Variants in PLD5 observed in about 807,000 individuals in gnomAD.
PLD5 encodes the protein inactive phospholipase D5.
Under a neutral mutation model 61.1 loss-of-function variants are expected in PLD5, and 36 were observed. The observed-to-expected ratio is 0.59, with a 90% CI of 0.45 to 0.78. The LOEUF is 0.78. Among genes scored for constraint, PLD5 ranks in the 30% least tolerant of loss-of-function variants. The pLI, the probability that PLD5 is intolerant of heterozygous loss-of-function variation, is 0.00. For synonymous variants in PLD5, 243 were observed against 242.8 expected (o/e 1.00, Z -0.01); for missense variants, 515 against 644.4 (o/e 0.80, Z 2.17).
intron 8 of PLD5, among the ~76,000 whole-genome samples, chr1:242,101,025 C>T (rs1384482133): frequency 6.6e-6 from 1 of 152,142 alleles, no homozygotes; most frequent in African/African-American, 2.4e-5. Flanking sequence ...AAAATGAACA[C>T]AAAATTCGTT....
At chr1:242,106,977 C>G (rs1468814678) in intron 8 of PLD5, among the ~76,000 whole-genome samples, 5 of 152,290 alleles carry the variant, frequency 3.3e-5, no homozygotes, top group South Asian at 4.2e-4. Flanking sequence ...AGAATTAACA[C>G]ATTTCAGGTA....
At chr1:242,271,276 A>T (rs1187031824) in intron 3 of PLD5, among the ~76,000 whole-genome samples, 1 of 150,704 alleles carries the variant, frequency 6.6e-6, no homozygotes, top group East Asian at 2.0e-4. Flanking sequence ...AAAGGCTGAT[A>T]TATAAATAGA....
chr1:242,357,344 C>A (rs1479952125), intron 1 of PLD5, among the ~76,000 whole-genome samples: 4 of 149,968 alleles, frequency 2.7e-5, no homozygotes, highest in African/African-American at 9.8e-5. Context: ...TCTCTTGCTG[C>A]TCTCAGAAAT....
In PLD5 at chr1:242,143,182, G is replaced by A. The variant is rs559091109; in HGVS notation, c.736-18517C>T. On this transcript the variant is annotated intron_variant, in intron 5 of 9. Transcript: ENST00000536534. ...AGCTGGAACTACAGGCACCTGCCAC[G>A]ACGCCAGCTATGTTTTTTTCTTTTT... 4.6e-5 allele frequency among the ~76,000 whole-genome samples: 7 copies of A among 152,044 alleles called. No homozygotes were observed. In the South Asian group the frequency reaches 6.2e-4, roughly 14 times the overall value.
At chr1:242,409,478 G>C (rs1004207759) in intron 1 of PLD5, among the ~76,000 whole-genome samples, 4 of 152,132 alleles carry the variant, frequency 2.6e-5, no homozygotes, top group Admixed American at 2.0e-4. Context: ...GCATCCAGCA[G>C]ACAGGCAAGG....
intron 1 of PLD5, among the ~76,000 whole-genome samples, chr1:242,415,643 G>A (rs1328704560): frequency 2.6e-5 from 4 of 151,732 alleles, no homozygotes; most frequent in Admixed American, 1.3e-4. Flanking sequence ...CTCCTGAGTA[G>A]CTGGGACTAC....
At chr1:242,412,959 G>A (rs1664634227) in intron 1 of PLD5, among the ~76,000 whole-genome samples, 2 of 152,172 alleles carry the variant, frequency 1.3e-5, no homozygotes, top group African/African-American at 4.8e-5. Flanking sequence ...TGGTTTCTCT[G>A]CATCCTGTCC....
At chr1:242,486,677 G>C (rs1164199704) in intron 1 of PLD5, among the ~76,000 whole-genome samples, 1 of 152,138 alleles carries the variant, frequency 6.6e-6, no homozygotes, top group Non-Finnish European at 1.5e-5. Flanking sequence ...TCTAGAACTA[G>C]AAATACCATT....
At chr1:242,517,157 G>A (rs538566064) in intron 1 of PLD5, among the ~76,000 whole-genome samples, 87 of 152,194 alleles carry the variant, frequency 5.7e-4, no homozygotes, top group African/African-American at 1.7e-3. Flanking sequence ...TGATAATGTC[G>A]TTACACATTT....
At chr1:242,453,233 G>A (rs1305899450) in intron 1 of PLD5, among the ~76,000 whole-genome samples, 1 of 152,134 alleles carries the variant, frequency 6.6e-6, no homozygotes, top group Non-Finnish European at 1.5e-5. Flanking sequence ...ACAGGGAGAA[G>A]GCACCATCTA....
chr1:242,126,032 A>G (rs920394300), intron 5 of PLD5, among the ~76,000 whole-genome samples: 1 of 152,210 alleles, frequency 6.6e-6, no homozygotes, highest in Admixed American at 6.5e-5. Context: ...TGAGATGTAC[A>G]GACACATTAA....
At chr1:242,162,055 C>A (rs906152799) in intron 5 of PLD5, among the ~76,000 whole-genome samples, 1 of 152,110 alleles carries the variant, frequency 6.6e-6, no homozygotes, top group Non-Finnish European at 1.5e-5. Context: ...AAATATTTGG[C>A]ATACGTTTTT....
intron 5 of PLD5, among the ~76,000 whole-genome samples, chr1:242,179,863 A>G (rs1259060548): frequency 6.6e-6 from 1 of 152,172 alleles, no homozygotes; most frequent in African/African-American, 2.4e-5. Flanking sequence ...AGATTTTGCC[A>G]CTGCACTCCA....
intron 2 of PLD5, among the ~76,000 whole-genome samples, chr1:242,296,137 T>C (rs959266149): frequency 2.0e-5 from 3 of 152,204 alleles, no homozygotes; most frequent in Non-Finnish European, 4.4e-5. Flanking sequence ...GCCTGCTTCA[T>C]AGTAAACCCA....
rs1319871848 is a variant in PLD5, at chr1:242,191,352, A to AT, written c.735+28635dup. ...TATAATCCCAGCAGTTTAGAAGGCCATGGCAGGTGGATCACTTGAGGTCAG... is the reference window on the plus strand; with the variant it reads ...TATAATCCCAGCAGTTTAGAAGGCCATTGGCAGGTGGATCACTTGAGGTCAG... On this transcript the variant is annotated intron_variant, in intron 5 of 9. Transcript: ENST00000536534. Among the ~76,000 whole-genome samples, 14 of 152,170 alleles carry AT rather than the reference A, an allele frequency of 9.2e-5. No individual in the cohort carries two copies. The East Asian group carries it at 2.7e-3, about 29-fold the overall frequency.
At chr1:242,505,256 C>T (rs1050356917) in intron 1 of PLD5, among the ~76,000 whole-genome samples, 1 of 152,150 alleles carries the variant, frequency 6.6e-6, no homozygotes, top group Non-Finnish European at 1.5e-5. Context: ...AAGTGAATCA[C>T]CACTTTTTAT....
chr1:242,268,549 T>C (rs1673854730), intron 3 of PLD5, among the ~76,000 whole-genome samples: 1 of 152,218 alleles, frequency 6.6e-6, no homozygotes, highest in African/African-American at 2.4e-5. Flanking sequence ...ACTGGCAGAC[T>C]GTCATTAAAT....
intron 9 of PLD5, among the ~76,000 whole-genome samples, chr1:242,095,493 A>C (rs1447007213): frequency 6.6e-6 from 1 of 151,704 alleles, no homozygotes; most frequent in Non-Finnish European, 1.5e-5. Flanking sequence ...CAGACTCCCA[A>C]AGTGCTGGGA....
intron 5 of PLD5, among the ~76,000 whole-genome samples, chr1:242,167,339 G>A (rs1280728579): frequency 2.6e-5 from 4 of 152,180 alleles, no homozygotes; most frequent in East Asian, 3.8e-4. Flanking sequence ...GGCAGGGAGT[G>A]AAGGAGGAGC....
Sources: allele counts gnomAD v4.1 joint callset (sites outside exome capture counted in the v4.1 genomes callset), GRCh38; gene constraint gnomAD v4.1.1; transcripts MANE v1.5; gene names NCBI Gene and HGNC (gene_info 2026-07-23, HGNC 2026-07-21).